Variants in DPP6 observed in about 807,000 individuals in gnomAD.
DPP6 encodes the protein dipeptidyl peptidase like 6.
In DPP6, 69 loss-of-function variants were observed where a neutral mutation model predicts 122.6. The ratio of observed to expected loss-of-function variants is 0.56; its 90% CI spans 0.46 to 0.69. The LOEUF is 0.69. Among genes scored for constraint, DPP6 ranks in the 30% least tolerant of loss-of-function variants. The pLI is 0.00. For missense variants in DPP6, 928 were observed against 1,116.9 expected, an observed-to-expected ratio of 0.83 and a Z score of 2.41; for synonymous variants, 418 against 433.1, an observed-to-expected ratio of 0.97 and a Z score of 0.43.
intron 1 of DPP6, among the ~76,000 whole-genome samples, chr7:154,178,049 C>T (rs747422209): frequency 2.6e-5 from 4 of 152,150 alleles, no homozygotes; most frequent in Non-Finnish European, 5.9e-5. Context: ...CTTTCACCAA[C>T]CAGGATACTT....
intron 1 of DPP6, among the ~76,000 whole-genome samples, chr7:154,372,744 G>C (rs1307401842): frequency 6.6e-6 from 1 of 152,248 alleles, no homozygotes; most frequent in African/African-American, 2.4e-5. Flanking sequence ...GGACTGAACA[G>C]TTGATAGTTT....
At chr7:154,214,117 A>G (rs971750367) in intron 1 of DPP6, among the ~76,000 whole-genome samples, 1 of 152,234 alleles carries the variant, frequency 6.6e-6, no homozygotes, top group East Asian at 1.9e-4. Context: ...AATGAGGAGC[A>G]AAGTCGCTGT....
intron 1 of DPP6, among the ~76,000 whole-genome samples, chr7:154,200,025 C>G (rs1192653771): frequency 2.6e-5 from 4 of 152,184 alleles, no homozygotes; most frequent in African/African-American, 9.7e-5. Context: ...TCAACCCCAG[C>G]TGCACAATGG....
chr7:154,491,532 C>A (rs562581148), intron 3 of DPP6, among the ~76,000 whole-genome samples: 1 of 152,310 alleles, frequency 6.6e-6, no homozygotes, highest in Non-Finnish European at 1.5e-5. Flanking sequence ...CCATCATCTT[C>A]CTTTGCCATT....
chr7:154,795,381 C>T (rs773377945), intron 11 of DPP6, among the ~76,000 whole-genome samples: 11 of 152,200 alleles, frequency 7.2e-5, no homozygotes, highest in Non-Finnish European at 1.3e-4. Context: ...CACTTTTCCT[C>T]TATGCTTTAG....
intron 1 of DPP6, among the ~76,000 whole-genome samples, chr7:153,949,150 G>A (rs565655397): frequency 6.6e-6 from 1 of 152,238 alleles, no homozygotes; most frequent in Non-Finnish European, 1.5e-5. Flanking sequence ...GAGCCGCACT[G>A]CAGTGGAGTG....
chr7:154,730,711 T>A (rs1009377362), intron 8 of DPP6, among the ~76,000 whole-genome samples: 1 of 152,150 alleles, frequency 6.6e-6, no homozygotes, highest in Non-Finnish European at 1.5e-5. Context: ...CAAATAATAA[T>A]GAACCCAAGG....
chr7:154,042,701 C>A (rs1585218608), intron 1 of DPP6, among the ~76,000 whole-genome samples: 1 of 152,134 alleles, frequency 6.6e-6, no homozygotes, highest in Non-Finnish European at 1.5e-5. Context: ...GCTCTCCAGC[C>A]CCCTTCTCAA....
chr7:154,608,337 A>ATT (rs200499321), intron 5 of DPP6, among the ~76,000 whole-genome samples: 8,034 of 120,398 alleles, frequency 0.067, 493 homozygotes, highest in African/African-American at 0.071. Flanking sequence ...ATATATATAT[A>ATT]TATATTTTGA....
rs1307157860 is a variant in DPP6, at chr7:154,235,192, C to T, written c.243+182129C>T. On this transcript the variant is annotated intron_variant, in intron 1 of 25. Transcript: ENST00000377770. ...AGCAGTCACTCTGCATCCTCTGTCC[C>T]CAACCCCTGGCACCCAGGCATCTGT... is the stretch of plus-strand genomic sequence containing the variant. Among the ~76,000 whole-genome samples, 3 of 152,206 alleles carry T rather than the reference C, an allele frequency of 2.0e-5. No homozygotes were observed. In the East Asian group the frequency reaches 5.8e-4, roughly 29 times the overall value.
chr7:153,807,348 A>G, the DPP6 span, among the ~76,000 whole-genome samples: 1 of 151,676 alleles, frequency 6.6e-6, no homozygotes, highest in Non-Finnish European at 1.5e-5. Flanking sequence ...GGTTGCAGTG[A>G]GCCGAGATCG....
chr7:153,783,238 G>A, the DPP6 span, among the ~76,000 whole-genome samples: 1 of 152,150 alleles, frequency 6.6e-6, no homozygotes, highest in African/African-American at 2.4e-5. Context: ...AAGAAAAGAA[G>A]TTTAATTGAC....
At chr7:153,762,287 AATC>A in the DPP6 span, among the ~76,000 whole-genome samples, 1 of 152,234 alleles carries the variant, frequency 6.6e-6, no homozygotes, top group African/African-American at 2.4e-5. Flanking sequence ...AAGCCTGAGA[AATC>A]ATAAAGAGCA....
chr7:154,872,534 AC>A, intron 18 of DPP6, 89 bp from the exon 19 acceptor site: 3 of 1,509,258 alleles, frequency 2.0e-6, no homozygotes, highest in Non-Finnish European at 2.7e-6. Flanking sequence ...CACCCAGAGC[AC>A]CCTCACCCCC....
intron 1 of DPP6, among the ~76,000 whole-genome samples, chr7:154,419,106 C>A (rs1352140147): frequency 6.6e-6 from 1 of 152,138 alleles, no homozygotes; most frequent in Non-Finnish European, 1.5e-5. Flanking sequence ...AATAATGATC[C>A]TCAGAAAAGC....
intron 1 of DPP6, among the ~76,000 whole-genome samples, chr7:154,213,902 G>C (rs552472245): frequency 7.2e-5 from 11 of 152,190 alleles, no homozygotes; most frequent in Non-Finnish European, 1.3e-4. Flanking sequence ...CCAGCCAGCG[G>C]CCTTCGCTTC....
At chr7:153,862,922 G>A in the DPP6 span, among the ~76,000 whole-genome samples, 1 of 152,012 alleles carries the variant, frequency 6.6e-6, no homozygotes, top group African/African-American at 2.4e-5. Context: ...ATCAATACGT[G>A]AGAAAAGAAA....
chr7:154,417,568 G>T (rs756542734), intron 1 of DPP6, among the ~76,000 whole-genome samples: 1 of 150,052 alleles, frequency 6.7e-6, no homozygotes, highest in South Asian at 2.2e-4. Flanking sequence ...CTCCCACCCC[G>T]CTCCCAGAAG....
chr7:153,966,263 T>C (rs1795711200), intron 1 of DPP6, among the ~76,000 whole-genome samples: 1 of 151,190 alleles, frequency 6.6e-6, no homozygotes, highest in Non-Finnish European at 1.5e-5. Flanking sequence ...AGTCAGCAAT[T>C]GCTTTGTGTG....
Sources: gnomAD v4.1 joint callset for allele counts (sites outside exome capture counted in the v4.1 genomes callset) on GRCh38, gnomAD v4.1.1 for gene constraint, MANE v1.5 for transcripts, NCBI Gene and HGNC (gene_info 2026-07-23, HGNC 2026-07-21) for gene names.